The following KIAA1217 variants were observed in gnomAD, a reference collection of about 807,000 sequenced individuals.
KIAA1217 encodes sickle tail protein homolog.
A neutral mutation model predicts 163.9 loss-of-function variants in KIAA1217; 88 were observed. The observed-to-expected ratio is 0.54, with a 90% CI of 0.45 to 0.64. The LOEUF (loss-of-function observed/expected upper bound fraction) is 0.64. KIAA1217 is among the 30% of genes least tolerant of loss of function. The pLI is 0.00. For missense variants in KIAA1217, 2,372 were observed against 2,475.0 expected, an observed-to-expected ratio of 0.96 and a Z score of 0.88; for synonymous variants, 903 against 923.1, an observed-to-expected ratio of 0.98 and a Z score of 0.39.
intron 1 of KIAA1217, among the ~76,000 whole-genome samples, chr10:23,910,301 A>AG (rs1564525948): frequency 1.3e-5 from 2 of 152,132 alleles, no homozygotes; most frequent in African/African-American, 2.4e-5. Context: ...AGTATAAAAA[A>AG]AAAAGAAAAG....
intron 2 of KIAA1217, among the ~76,000 whole-genome samples, chr10:24,084,797 C>T (rs1258106491): frequency 1.3e-5 from 2 of 152,060 alleles, no homozygotes; most frequent in South Asian, 2.1e-4. Context: ...CTTCCTTTGC[C>T]GCATCTGACT....
At chr10:23,928,996 G>A (rs539055383) in intron 1 of KIAA1217, among the ~76,000 whole-genome samples, 89 of 152,226 alleles carry the variant, frequency 5.8e-4, no homozygotes, top group Admixed American at 2.0e-3. Flanking sequence ...AGGTTCCAGC[G>A]TACACAAGCT....
chr10:23,977,365 G>A (rs1371734820), intron 1 of KIAA1217, among the ~76,000 whole-genome samples: 1 of 152,138 alleles, frequency 6.6e-6, no homozygotes, highest in Non-Finnish European at 1.5e-5. Flanking sequence ...TTACCTTCAT[G>A]TTATACATGA....
chr10:24,056,085 A>G (rs773060311), intron 2 of KIAA1217, among the ~76,000 whole-genome samples: 1 of 152,210 alleles, frequency 6.6e-6, no homozygotes, highest in Non-Finnish European at 1.5e-5. Context: ...AGTTGGAGCC[A>G]TCATTTGCTT....
At chr10:23,856,055 G>A (rs1839642041) in intron 1 of KIAA1217, among the ~76,000 whole-genome samples, 1 of 152,230 alleles carries the variant, frequency 6.6e-6, no homozygotes, top group Non-Finnish European at 1.5e-5. Flanking sequence ...TGCTGGTAAG[G>A]AACTGCGTTC....
rs1591724566 is a variant in KIAA1217 at position 24,413,117 on chromosome 10, C to T, written c.554-19878C>T. ...TATCTAACCCTGCACTCAGGTCCAA[C>T]CCACCATAATCACTTTCCTGGATTA... is the stretch of plus-strand genomic sequence containing the variant. On this transcript the variant is annotated intron_variant, in intron 3 of 20. Transcript: ENST00000376454. Among the ~76,000 whole-genome samples, 3 of 152,288 alleles carry T rather than the reference C, an allele frequency of 2.0e-5. No homozygotes were observed. In the East Asian group the frequency reaches 5.8e-4, roughly 29 times the overall value.
chr10:24,353,852 C>T (rs2048754997), intron 2 of KIAA1217, among the ~76,000 whole-genome samples: 1 of 152,052 alleles, frequency 6.6e-6, no homozygotes, highest in Non-Finnish European at 1.5e-5. Context: ...TTCTGATTTC[C>T]AAAGATCAAA....
intron 2 of KIAA1217, among the ~76,000 whole-genome samples, chr10:24,037,237 A>C (rs979589059): frequency 5.9e-5 from 9 of 152,134 alleles, no homozygotes; most frequent in Non-Finnish European, 1.0e-4. Flanking sequence ...AGGCCAAGGC[A>C]GGAGGATCAC....
chr10:24,307,137 A>G (rs2042092825), intron 2 of KIAA1217, among the ~76,000 whole-genome samples: 1 of 152,194 alleles, frequency 6.6e-6, no homozygotes. Flanking sequence ...CTGAAAATAG[A>G]TGCATTTCTT....
rs16924775 is a variant in KIAA1217, at chr10:24,443,665, G to C, written c.846+5186G>C. On this transcript the variant is annotated intron_variant, in intron 5 of 20. Transcript: ENST00000376454. ...ATCTTCAGATTTTGAGAAGAACAAA[G>C]CAACTGTAAAAGACATCTTTAAAAC... Among the ~76,000 whole-genome samples, 17 of 152,070 alleles carry C rather than the reference G, an allele frequency of 1.1e-4. No individual in the cohort carries two copies. In the East Asian group the frequency reaches 2.5e-3, roughly 23 times the overall value.
At chr10:24,113,854 T>C (rs1263099833) in intron 2 of KIAA1217, among the ~76,000 whole-genome samples, 2 of 152,178 alleles carry the variant, frequency 1.3e-5, no homozygotes, top group African/African-American at 4.8e-5. Flanking sequence ...ACCAGCTACA[T>C]ATTCATGTGG....
Position 23,790,199 on chromosome 10 carries a change from GCATATACA to G in KIAA1217, c.-321+94979_-321+94986del, listed in dbSNP as rs796354834. On this transcript the variant is annotated intron_variant, in intron 1 of 18. Coordinates refer to the KIAA1217 transcript ENST00000376462. ...TATGCATATACACATATACACATAT[GCATATACA>G]CATATACACATATGCATATGCACAT... is the stretch of plus-strand genomic sequence containing the variant. Among the ~76,000 whole-genome samples the G allele has an allele frequency of 9.3e-3, 42 of 4,494 alleles. 4 individuals carry two copies. The highest frequency in any genetic ancestry group is 0.019 in the East Asian group (2 of 106). 2.9% of individuals were successfully genotyped at this position (4,494 alleles called of 152,430 possible).
intron 1 of KIAA1217, among the ~76,000 whole-genome samples, chr10:23,754,240 G>A (rs1183107274): frequency 6.6e-6 from 1 of 152,212 alleles, no homozygotes; most frequent in Non-Finnish European, 1.5e-5. Flanking sequence ...ATGCATGGGT[G>A]CATCAGAGAC....
chr10:23,853,941 TTTG>T (rs1839504138), intron 1 of KIAA1217, among the ~76,000 whole-genome samples: 1 of 152,010 alleles, frequency 6.6e-6, no homozygotes. Flanking sequence ...GTCTATCAAT[TTTG>T]TTGATCCTTT....
At chr10:24,474,116 G>C in intron 6 of KIAA1217, 56 bp downstream of exon 6, 1 of 1,350,976 alleles carries the variant, frequency 7.4e-7, no homozygotes, top group South Asian at 1.4e-5. Context: ...GTCACTGTGG[G>C]CAGCTCTACA....
chr10:24,251,393 A>C (rs2131517481), intron 2 of KIAA1217, among the ~76,000 whole-genome samples: 1 of 119,444 alleles, frequency 8.4e-6, no homozygotes, highest in Non-Finnish European at 1.7e-5. Context: ...AGAAAGAGAC[A>C]CTGTCTCAAA....
chr10:24,058,096 A>G (rs898300071), intron 2 of KIAA1217, among the ~76,000 whole-genome samples: 12 of 152,158 alleles, frequency 7.9e-5, no homozygotes, highest in African/African-American at 2.9e-4. Flanking sequence ...TTAAGGGTCC[A>G]ATTTCATTTT....
At chr10:23,786,171 G>A (rs754254966) in intron 1 of KIAA1217, among the ~76,000 whole-genome samples, 2 of 152,106 alleles carry the variant, frequency 1.3e-5, no homozygotes, top group Non-Finnish European at 2.9e-5. Context: ...AGTTCTTATG[G>A]GACTTCAGAG....
chr10:24,033,501 T>G (rs950768137), intron 2 of KIAA1217, among the ~76,000 whole-genome samples: 2 of 152,214 alleles, frequency 1.3e-5, no homozygotes, highest in African/African-American at 4.8e-5. Context: ...ATAATTAAGT[T>G]AGAATCAATA....
Sources: allele counts gnomAD v4.1 joint callset (sites outside exome capture counted in the v4.1 genomes callset), GRCh38; gene constraint gnomAD v4.1.1; transcripts MANE v1.5; gene names NCBI Gene and HGNC (gene_info 2026-07-23, HGNC 2026-07-21).